The following PDE3B variants were observed in gnomAD, a reference collection of about 807,000 sequenced individuals.
PDE3B encodes the protein cGMP-inhibited 3',5'-cyclic phosphodiesterase 3B.
A neutral mutation model predicts 116.8 loss-of-function variants in PDE3B; 66 were observed. The ratio of observed to expected loss-of-function variants is 0.56; its 90% confidence interval spans 0.46 to 0.69. The LOEUF is 0.69. Among genes scored for constraint, PDE3B ranks in the 30% least tolerant of loss-of-function variants. PDE3B has a pLI of 0.00. For synonymous variants in PDE3B, 595 were observed against 533.6 expected, an observed-to-expected ratio of 1.12 and a Z score of -1.59; for missense variants, 1,384 against 1,368.1, an observed-to-expected ratio of 1.01 and a Z score of -0.18.
intron 12 of PDE3B, among the ~76,000 whole-genome samples, chr11:14,851,347 AG>A (rs1288101061): frequency 1.8e-4 from 27 of 151,980 alleles, no homozygotes; most frequent in Non-Finnish European, 3.7e-4. Flanking sequence ...CATTTTCTGT[AG>A]CCATTTTCTG....
intron 4 of PDE3B, among the ~76,000 whole-genome samples, chr11:14,793,367 T>A (rs535141845): frequency 6.6e-6 from 1 of 152,312 alleles, no homozygotes; most frequent in Non-Finnish European, 1.5e-5. Flanking sequence ...CTGAACGTGA[T>A]TTTATATAAT....
chr11:14,740,517 G>A (rs1013041320), intron 1 of PDE3B, among the ~76,000 whole-genome samples: 20 of 151,870 alleles, frequency 1.3e-4, no homozygotes, highest in South Asian at 6.2e-4. Flanking sequence ...TCTGGCTAGC[G>A]GTCTGTCTAT....
At chr11:14,781,858 G>A (rs1034821438) in intron 2 of PDE3B, among the ~76,000 whole-genome samples, 2 of 152,190 alleles carry the variant, frequency 1.3e-5, no homozygotes, top group African/African-American at 4.8e-5. Context: ...GTTAGGAAAA[G>A]AGGAAGTCAA....
chr11:14,896,024 CA>C, the PDE3B span, among the ~76,000 whole-genome samples: 3,320 of 152,086 alleles, frequency 0.022, 55 homozygotes, highest in Middle Eastern at 0.041. Flanking sequence ...ACAATTTTTC[CA>C]AAGGCTAGAT....
chr11:14,677,195 A>T (rs1854556510), intron 1 of PDE3B, among the ~76,000 whole-genome samples: 1 of 152,162 alleles, frequency 6.6e-6, no homozygotes, highest in Non-Finnish European at 1.5e-5. Context: ...AATGGGTAAG[A>T]TGGCACTTAT....
At chr11:14,866,547 T>C (rs1389329227) in intron 14 of PDE3B, among the ~76,000 whole-genome samples, 1 of 152,162 alleles carries the variant, frequency 6.6e-6, no homozygotes, top group Non-Finnish European at 1.5e-5. Flanking sequence ...TGGAAAAATA[T>C]CAATTGTTTT....
chr11:14,797,291 G>T (rs891444979), intron 4 of PDE3B, among the ~76,000 whole-genome samples: 2 of 152,140 alleles, frequency 1.3e-5, no homozygotes, highest in Admixed American at 1.3e-4. Context: ...GCCTCTCCTG[G>T]TGATACCCAG....
chr11:14,680,371 CTCCTTTGGTGCTGT>C, intron 1 of PDE3B, among the ~76,000 whole-genome samples: 1 of 152,272 alleles, frequency 6.6e-6, no homozygotes, highest in Non-Finnish European at 1.5e-5. Context: ...ATGTGATGTT[CTCCTTTGGTGCTGT>C]TTGGCCCCAG....
At chr11:14,666,762 A>G (rs1245722497) in intron 1 of PDE3B, among the ~76,000 whole-genome samples, 3,851 of 152,110 alleles carry the variant, frequency 0.025, 70 homozygotes, top group Non-Finnish European at 0.042. Flanking sequence ...TAGAATGACA[A>G]TCATTAAAAA....
chr11:14,873,091 C>CG (rs1555009280), downstream of PDE3B, among the ~76,000 whole-genome samples: 1 of 152,170 alleles, frequency 6.6e-6, no homozygotes, highest in East Asian at 1.9e-4. Flanking sequence ...AGTTTTTCCT[C>CG]AAAACAGGAG....
intron 1 of PDE3B, 39 bp downstream of exon 1, chr11:14,645,092 G>A: frequency 6.7e-7 from 1 of 1,499,444 alleles, no homozygotes; most frequent in Non-Finnish European, 8.9e-7. Flanking sequence ...ACGCGAGCGG[G>A]TTCGGGTTTA....
intron 1 of PDE3B, among the ~76,000 whole-genome samples, chr11:14,757,704 C>G (rs1857235020): frequency 7.1e-6 from 1 of 141,544 alleles, no homozygotes; most frequent in Admixed American, 7.2e-5. Context: ...TGGATATTAG[C>G]CCTTTTTCAG....
intron 1 of PDE3B, among the ~76,000 whole-genome samples, chr11:14,767,454 G>A (rs889314420): frequency 5.3e-5 from 8 of 151,432 alleles, no homozygotes; most frequent in African/African-American, 1.9e-4. Flanking sequence ...CATTTATTCC[G>A]AGCTATTTAT....
intron 4 of PDE3B, among the ~76,000 whole-genome samples, chr11:14,791,168 G>T (rs904392158): frequency 6.6e-6 from 1 of 151,978 alleles, no homozygotes; most frequent in African/African-American, 2.4e-5. Flanking sequence ...GTGATGTTTT[G>T]TTCAGGAATC....
At chr11:14,704,355 G>A (rs544362784) in intron 1 of PDE3B, among the ~76,000 whole-genome samples, 2 of 151,842 alleles carry the variant, frequency 1.3e-5, no homozygotes, top group African/African-American at 4.8e-5. Flanking sequence ...AGAACATGAA[G>A]TTACAAATTG....
chr11:14,652,823 T>C (rs1853606804), intron 1 of PDE3B, among the ~76,000 whole-genome samples: 4 of 152,226 alleles, frequency 2.6e-5, no homozygotes, highest in African/African-American at 9.6e-5. Context: ...ATAATCATCT[T>C]TGGGATTTTG....
chr11:14,889,164 GT>G, the PDE3B span, among the ~76,000 whole-genome samples: 143 of 140,186 alleles, frequency 1.0e-3, no homozygotes, highest in African/African-American at 2.8e-3. Context: ...AAGTCCAGTT[GT>G]TTTTTTTTTT....
At chr11:14,810,512 G>A (rs1859093077) in intron 5 of PDE3B, among the ~76,000 whole-genome samples, 1 of 151,750 alleles carries the variant, frequency 6.6e-6, no homozygotes, top group African/African-American at 2.4e-5. Flanking sequence ...CTTTTTTATG[G>A]CTGCATAGTA....
chr11:14,712,466 G>GTTTTT (rs58004646), intron 1 of PDE3B, among the ~76,000 whole-genome samples: 9 of 76,286 alleles, frequency 1.2e-4, no homozygotes, highest in South Asian at 5.0e-4. Context: ...GTACAAGCTT[G>GTTTTT]TTTTTTTTTT....
Sources: allele counts gnomAD v4.1 joint callset (sites outside exome capture counted in the v4.1 genomes callset), GRCh38; gene constraint gnomAD v4.1.1; transcripts MANE v1.5; gene names NCBI Gene and HGNC (gene_info 2026-07-23, HGNC 2026-07-21).